The following MAPKBP1 variants were observed in gnomAD, a reference collection of about 807,000 sequenced individuals.
MAPKBP1 encodes mitogen-activated protein kinase-binding protein 1.
Under a neutral mutation model 170.5 loss-of-function variants are expected in MAPKBP1, and 71 were observed. The ratio of observed to expected loss-of-function variants is 0.42; its 90% CI spans 0.34 to 0.51. The LOEUF (loss-of-function observed/expected upper bound fraction) is 0.51. MAPKBP1 is among the 20% of genes least tolerant of loss of function. The pLI, the probability that MAPKBP1 is intolerant of heterozygous loss-of-function variation, is 0.06. For synonymous variants in MAPKBP1, 719 were observed against 757.9 expected (o/e 0.95, Z 0.84); for missense variants, 1,598 against 1,933.0 (o/e 0.83, Z 3.25).
At chr15:41,785,229 G>C (rs1368737395) in intron 2 of MAPKBP1, among the ~76,000 whole-genome samples, 1 of 152,084 alleles carries the variant, frequency 6.6e-6, no homozygotes, top group African/African-American at 2.4e-5. Context: ...CGCCTCTTCT[G>C]TTCCAACATT....
At chr15:41,785,328 G>A (rs1213941849) in intron 2 of MAPKBP1, among the ~76,000 whole-genome samples, 1 of 152,002 alleles carries the variant, frequency 6.6e-6, no homozygotes, top group Non-Finnish European at 1.5e-5. Context: ...CGATAATACT[G>A]ACCAAAAGGA....
chr15:41,774,509 T>G lies in MAPKBP1; in HGVS notation c.-211T>G. On this transcript the variant is annotated 5_prime_UTR_variant, in exon 1 of 31. Transcript: ENST00000457542. ...GAGCCGATCGTGCCACCATAGCTCC[T>G]GCTGCTGCCTCTACCGCTGCGGCTA... 2 of 398,504 alleles carry G rather than the reference T, an allele frequency of 5.0e-6. No homozygotes were observed. The highest frequency in any genetic ancestry group is 4.1e-5 in the African/African-American group (2 of 48,750). The allele number at this position is 398,504 out of a possible 1,614,324, so 24.7% of individuals were successfully genotyped here. A position where few individuals can be genotyped will look rare whatever the true frequency, so the allele number is the denominator to read the frequency against.
At chr15:41,795,595 TTTTA>T (rs1421658671) in intron 2 of MAPKBP1, among the ~76,000 whole-genome samples, 5 of 152,090 alleles carry the variant, frequency 3.3e-5, no homozygotes, top group African/African-American at 1.2e-4. Context: ...TATATTTTAT[TTTTA>T]TTTATTTACT....
chr15:41,792,087 G>GAA (rs1345328064), intron 2 of MAPKBP1, among the ~76,000 whole-genome samples: 1 of 149,232 alleles, frequency 6.7e-6, no homozygotes, highest in Non-Finnish European at 1.5e-5. Flanking sequence ...CTGCAGGCTG[G>GAA]AAACTACTGT....
intron 12 of MAPKBP1, 75 bp from the exon 13 acceptor site, chr15:41,816,484 T>C (rs986095104): frequency 1.0e-6 from 1 of 981,126 alleles, no homozygotes; most frequent in Non-Finnish European, 1.6e-6. Context: ...GAGGAGAAAA[T>C]GTAGCAGAGG....
Position 41,817,129 on chromosome 15 carries a change from G to T in MAPKBP1, c.1711+94G>T. ...TGAGAAGGGTCTGCCCATTGTGGGG[G>T]AGTGTTGGACAGCAGCTGGGAGGCC... On this transcript the variant is annotated intron_variant, in intron 14 of 30. Transcript: ENST00000457542. The surrounding 1 kb of genome is among the most constrained non-coding windows in gnomAD (Gnocchi z 4.2). The T allele has an allele frequency of 2.0e-6, 3 of 1,515,686 alleles. No homozygotes were observed. Among genetic ancestry groups the T allele is most frequent in the South Asian group, 2.6e-5 (2 of 76,254 alleles). 93.9% of individuals were successfully genotyped at this position (1,515,686 alleles called of 1,614,324 possible). A position where few individuals can be genotyped will look rare whatever the true frequency, so the allele number is the denominator to read the frequency against.
intron 2 of MAPKBP1, among the ~76,000 whole-genome samples, chr15:41,780,234 C>T (rs1295281228): frequency 6.6e-6 from 1 of 152,206 alleles, no homozygotes; most frequent in Non-Finnish European, 1.5e-5. Context: ...TTATTTCCTG[C>T]TGGTATTTTG....
chr15:41,790,526 C>T (rs1176502889), intron 2 of MAPKBP1, among the ~76,000 whole-genome samples: 1 of 152,162 alleles, frequency 6.6e-6, no homozygotes, highest in Non-Finnish European at 1.5e-5. Flanking sequence ...TGTCAGGTTA[C>T]CCTTTCCAAG....
chr15:41,805,727 G>C (rs376029580), intron 3 of MAPKBP1, among the ~76,000 whole-genome samples: 1 of 152,166 alleles, frequency 6.6e-6, no homozygotes, highest in African/African-American at 2.4e-5. Context: ...CTGTGTTCTC[G>C]TGACACCTGA....
intron 27 of MAPKBP1, 72 bp downstream of exon 27, chr15:41,822,749 T>C: frequency 1.9e-6 from 3 of 1,562,836 alleles, no homozygotes; most frequent in Non-Finnish European, 2.6e-6. Flanking sequence ...CCCTCTCCTC[T>C]CCAGTGTTCT....
chr15:41,790,104 T>C (rs534620883), intron 2 of MAPKBP1, among the ~76,000 whole-genome samples: 1 of 152,340 alleles, frequency 6.6e-6, no homozygotes, highest in East Asian at 1.9e-4. Context: ...GTGAAGTGGT[T>C]AGAACAGTTA....
chr15:41,825,516 G>C lies in MAPKBP1; in HGVS notation c.*80G>C, dbSNP rs1371426713. 7.7e-7 allele frequency: 1 copy of C among 1,306,856 alleles called. No individual in the cohort carries two copies. Among genetic ancestry groups the C allele is most frequent in the African/African-American group, 1.5e-5 (1 of 67,834 alleles). The allele number at this position is 1,306,856 out of a possible 1,614,324, so 81.0% of individuals were successfully genotyped here. A position where few individuals can be genotyped will look rare whatever the true frequency, so the allele number is the denominator to read the frequency against. The stretch of plus-strand genomic sequence containing the variant: ...CCCTCTGCCCCTCACCAAAACCTGC[G>C]GGGCTGCTTGGAGTGGAAAGCAGGG... On this transcript the variant is annotated 3_prime_UTR_variant, in exon 31 of 31. Transcript: ENST00000457542.
rs373380007 is a variant in MAPKBP1, at chr15:41,813,393, C to G, written c.820-228C>G. 3.3e-6 allele frequency: 5 copies of G among 1,518,000 alleles called. No homozygotes were observed. The African/African-American group carries it at 5.5e-5, about 17-fold the overall frequency. 94.0% of individuals were successfully genotyped at this position (1,518,000 alleles called of 1,614,324 possible). A position where few individuals can be genotyped will look rare whatever the true frequency, so the allele number is the denominator to read the frequency against. On this transcript the variant is annotated intron_variant, in intron 8 of 30. Coordinates refer to ENST00000457542, the MANE Select transcript of MAPKBP1 (RefSeq NM_014994.3). ...CCTCTCTTTCTCATGCTATTTCTTT[C>G]TCTTCACTGGGCTTTTCCTACTGGA... is the stretch of plus-strand genomic sequence containing the variant.
chr15:41,804,660 T>C (rs543558871), intron 3 of MAPKBP1, among the ~76,000 whole-genome samples: 4 of 152,246 alleles, frequency 2.6e-5, no homozygotes, highest in Non-Finnish European at 5.9e-5. Flanking sequence ...TATGCATGTT[T>C]ATGAGCAGGT....
chr15:41,819,555 G>GGGGGT (rs1555454090), intron 21 of MAPKBP1, 40 bp from the exon 22 acceptor site: 57 of 1,482,066 alleles, frequency 3.8e-5, no homozygotes, highest in South Asian at 1.0e-4. Flanking sequence ...GGCGGGGGGG[G>GGGGGT]GGCAGGAGAC....
intron 22 of MAPKBP1, among the ~76,000 whole-genome samples, chr15:41,820,328 TG>T (rs2064973782): frequency 6.6e-6 from 1 of 152,066 alleles, no homozygotes; most frequent in African/African-American, 2.4e-5. Context: ...GAGGGGACTT[TG>T]GGGCCCCCAG....
Position 41,810,901 on chromosome 15 carries a change from C to T in MAPKBP1, c.225C>T (p.Phe75=). 1.2e-6 allele frequency: 2 copies of T among 1,614,150 alleles called. No individual in the cohort carries two copies. Among genetic ancestry groups the T allele is most frequent in the Non-Finnish European group, 8.5e-7 (1 of 1,180,024 alleles). ...AYPAGCVVVL[F]NPRKHKQHHI... is the part of the protein sequence containing the mutation. ...TCCTCAGGTGTGTGGTTGTGTTGTTCAATCCCCGGAAACACAAACAGCACC... is the reference window on the plus strand; with the variant it reads ...TCCTCAGGTGTGTGGTTGTGTTGTTTAATCCCCGGAAACACAAACAGCACC... The change falls in exon 4 of 31, where the codon TTC becomes TTT. Residue 75 remains phenylalanine, a synonymous_variant. Coordinates refer to ENST00000457542, the MANE Select transcript of MAPKBP1 (RefSeq NM_014994.3).
rs770255305 is a variant in MAPKBP1, at chr15:41,819,551, G to T, written c.2426-44G>T. On this transcript the variant is annotated intron_variant, in intron 21 of 30. Transcript: ENST00000457542. The stretch of plus-strand genomic sequence containing the variant: ...CAGGGCTCCAGGGTTGGGTGGCGGG[G>T]GGGGGGCAGGAGACACTTCCTCTGA... The T allele has an allele frequency of 1.3e-4, 196 of 1,515,410 alleles. 6 individuals carry two copies. The highest frequency in any genetic ancestry group is 2.7e-4 in the South Asian group (24 of 87,594). The allele number at this position is 1,515,410 out of a possible 1,614,324, so 93.9% of individuals were successfully genotyped here.
At chr15:41,795,799 C>T (rs1041409896) in intron 2 of MAPKBP1, among the ~76,000 whole-genome samples, 13 of 152,122 alleles carry the variant, frequency 8.5e-5, no homozygotes, top group Middle Eastern at 3.4e-3. Context: ...TTATTAGAGA[C>T]GGGGTTTCAC....
Sources: allele counts gnomAD v4.1 joint callset (sites outside exome capture counted in the v4.1 genomes callset), GRCh38; gene constraint gnomAD v4.1.1; non-coding constraint Gnocchi (gnomAD v3.1); transcripts MANE v1.5; gene names NCBI Gene and HGNC (gene_info 2026-07-23, HGNC 2026-07-21).